NNT: variants seen among roughly 807,000 people sequenced by gnomAD.
NNT encodes nicotinamide nucleotide transhydrogenase.
A neutral mutation model predicts 104.8 loss-of-function variants in NNT; 50 were observed. The ratio of observed to expected loss-of-function variants is 0.48; its 90% CI spans 0.38 to 0.60. The LOEUF is 0.60. Ranked by LOEUF, NNT falls within the 20% of genes least tolerant of loss-of-function variation. The probability of loss-of-function intolerance (pLI) is 0.00; values close to 1 mark genes in which losing one functional copy is unlikely to be tolerated. For missense variants in NNT, 1,131 were observed against 1,330.7 expected (o/e 0.85, Z 2.33); for synonymous variants, 461 against 490.4 (o/e 0.94, Z 0.79).
intron 5 of NNT, among the ~76,000 whole-genome samples, chr5:43,622,919 G>A (rs1750172659): frequency 6.7e-6 from 1 of 148,594 alleles, no homozygotes. Flanking sequence ...CAAGTCCTGT[G>A]ACTTTTACTT....
At chr5:43,614,653 A>T (rs1749678660) in intron 3 of NNT, among the ~76,000 whole-genome samples, 1 of 152,190 alleles carries the variant, frequency 6.6e-6, no homozygotes, top group African/African-American at 2.4e-5. Context: ...AGATAAACTT[A>T]TTGACCCAAT....
intron 7 of NNT, among the ~76,000 whole-genome samples, chr5:43,637,707 G>A (rs1212103270): frequency 2.0e-5 from 3 of 152,090 alleles, no homozygotes; most frequent in African/African-American, 7.2e-5. Context: ...CAGTGCTGAT[G>A]GCACCCTCTT....
intron 7 of NNT, among the ~76,000 whole-genome samples, chr5:43,629,093 G>A (rs1370810094): frequency 6.6e-6 from 1 of 151,946 alleles, no homozygotes; most frequent in Non-Finnish European, 1.5e-5. Context: ...TGAGATTTTG[G>A]TGCACCTGTC....
chr5:43,631,052 C>CAA (rs1750648769), intron 7 of NNT, among the ~76,000 whole-genome samples: 2 of 152,162 alleles, frequency 1.3e-5, no homozygotes, highest in African/African-American at 4.8e-5. Flanking sequence ...TTGGGGAAAA[C>CAA]AAGCCTTCCA....
At chr5:43,690,492 A>C (rs1742211913) in intron 19 of NNT, among the ~76,000 whole-genome samples, 1 of 152,180 alleles carries the variant, frequency 6.6e-6, no homozygotes, top group African/African-American at 2.4e-5. Flanking sequence ...TGGATTGAGA[A>C]ATTAGGAAAC....
intron 19 of NNT, among the ~76,000 whole-genome samples, chr5:43,691,864 T>G (rs1206090428): frequency 6.6e-6 from 1 of 152,244 alleles, no homozygotes; most frequent in African/African-American, 2.4e-5. Context: ...CTCTGTGCCT[T>G]TCTTTGGTTC....
At chr5:43,638,499 T>A (rs565441994) in intron 7 of NNT, among the ~76,000 whole-genome samples, 5 of 152,260 alleles carry the variant, frequency 3.3e-5, no homozygotes, top group Non-Finnish European at 5.9e-5. Flanking sequence ...TATTTTACAT[T>A]TAGTCAATAT....
intron 19 of NNT, among the ~76,000 whole-genome samples, chr5:43,682,722 C>T (rs1042353885): frequency 6.6e-6 from 1 of 152,168 alleles, no homozygotes; most frequent in African/African-American, 2.4e-5. Flanking sequence ...TTAGCAGTTT[C>T]ATGTCAGCTT....
rs534390292 is a variant in NNT at position 43,605,282 on chromosome 5, C to A, written c.-54+1988C>A. On this transcript the variant is annotated intron_variant, in intron 1 of 21. Transcript: ENST00000344920. ...CTGTAATCCCAGCACTTTGGGAGGC[C>A]GAGGCGGGTGGATCATGAGGTCAGG... Among the ~76,000 whole-genome samples, 416 of 150,950 alleles carry A rather than the reference C, an allele frequency of 2.8e-3. 2 individuals are homozygous for A. The highest frequency in any genetic ancestry group is 2.8e-3 in the Non-Finnish European group (191 of 67,714).
At chr5:43,671,284 T>C (rs1319477976) in intron 17 of NNT, among the ~76,000 whole-genome samples, 1 of 152,222 alleles carries the variant, frequency 6.6e-6, no homozygotes, top group Non-Finnish European at 1.5e-5. Context: ...CCCATTTACA[T>C]TTAAGGTTAA....
In NNT at chr5:43,674,653, A is replaced by G. The variant is rs1366433781; in HGVS notation, c.2635-858A>G. Among the ~76,000 whole-genome samples the G allele has an allele frequency of 2.0e-5, 3 of 152,328 alleles. No individual in the cohort carries two copies. In the East Asian group the frequency reaches 5.8e-4, roughly 29 times the overall value. On this transcript the variant is annotated intron_variant, in intron 17 of 21. Transcript: ENST00000344920. Reference sequence around the variant, plus strand: ...GCAGTGATTTGAATTCTTAAAATGCATTTGATTACTCAGAACAACTAGTTT... The same window carrying G: ...GCAGTGATTTGAATTCTTAAAATGCGTTTGATTACTCAGAACAACTAGTTT...
chr5:43,656,118 G>T, intron 15 of NNT, 45 bp downstream of exon 15: 1 of 1,474,864 alleles, frequency 6.8e-7, no homozygotes, highest in South Asian at 1.1e-5. Context: ...TACTGTTTAG[G>T]GCATTTAGGG....
At chr5:43,675,940 C>T (rs1410343328) in intron 18 of NNT, among the ~76,000 whole-genome samples, 5 of 152,040 alleles carry the variant, frequency 3.3e-5, no homozygotes, top group Non-Finnish European at 5.9e-5. Flanking sequence ...ACATCATTTT[C>T]GAGTCTTTTT....
At chr5:43,647,962 C>A (rs762052406) in intron 10 of NNT, 1 of 495,268 alleles carries the variant, frequency 2.0e-6, no homozygotes, top group Non-Finnish European at 3.8e-6. Flanking sequence ...CCTATGAAGA[C>A]ACTGAAGCAC....
rs16873430 is a variant in NNT at position 43,644,342 on chromosome 5, T to A, written c.1098+17T>A. 1 of 1,609,438 alleles carries A rather than the reference T, an allele frequency of 6.2e-7. No homozygotes were observed. The highest frequency in any genetic ancestry group is 1.1e-5 in the South Asian group (1 of 89,382). On this transcript the variant is annotated intron_variant, in intron 8 of 21. Transcript: ENST00000344920. ...ATTCATAAGGTATAGCAAGATGCGT[T>A]TTCTATCTGTGATCACTTCTCATGT...
chr5:43,675,788 A>T, intron 18 of NNT, 118 bp downstream of exon 18: 5 of 733,534 alleles, frequency 6.8e-6, no homozygotes, highest in Non-Finnish European at 8.2e-6. Flanking sequence ...ATATAATGGA[A>T]ACAATAGCAA....
chr5:43,673,487 G>A (rs78668304), intron 17 of NNT, among the ~76,000 whole-genome samples: 5,132 of 152,244 alleles, frequency 0.034, 133 homozygotes, highest in East Asian at 0.12. Flanking sequence ...CTTAATGTCT[G>A]AAATAGTCCT....
At chr5:43,663,980 C>G (rs544531575) in intron 17 of NNT, among the ~76,000 whole-genome samples, 1 of 152,078 alleles carries the variant, frequency 6.6e-6, no homozygotes, top group Admixed American at 6.6e-5. Context: ...GTATGTTGAC[C>G]TTCACTCTTA....
chr5:43,674,613 C>G (rs1314092334), intron 17 of NNT, among the ~76,000 whole-genome samples: 1 of 152,180 alleles, frequency 6.6e-6, no homozygotes, highest in Non-Finnish European at 1.5e-5. Flanking sequence ...TGTAGAATGA[C>G]AGTTTCAATC....
Sources: allele counts gnomAD v4.1 joint callset (sites outside exome capture counted in the v4.1 genomes callset), GRCh38; gene constraint gnomAD v4.1.1; transcripts MANE v1.5; gene names NCBI Gene and HGNC (gene_info 2026-07-23, HGNC 2026-07-21).